The following SLC24A2 variants were observed in gnomAD, a reference collection of about 807,000 sequenced individuals.
The protein encoded by SLC24A2 is solute carrier family 24 member 2, also known as sodium/potassium/calcium exchanger 2.
In SLC24A2, 36 loss-of-function variants were observed where a neutral mutation model predicts 62.0. The ratio of observed to expected loss-of-function variants is 0.58; its 90% CI spans 0.44 to 0.77. SLC24A2 has a LOEUF of 0.77. Ranked by LOEUF, SLC24A2 falls within the 30% of genes least tolerant of loss-of-function variation. The pLI is 0.00. For synonymous variants in SLC24A2, 358 were observed against 294.0 expected (o/e 1.22, Z -2.23); for missense variants, 846 against 817.9 (o/e 1.03, Z -0.42).
the SLC24A2 span, among the ~76,000 whole-genome samples, chr9:20,004,138 C>A: frequency 6.6e-6 from 1 of 152,200 alleles, no homozygotes; most frequent in Admixed American, 6.5e-5. Flanking sequence ...CAGACCCCTT[C>A]TAATGAGTAC....
At chr9:20,142,065 A>G in the SLC24A2 span, among the ~76,000 whole-genome samples, 3 of 152,210 alleles carry the variant, frequency 2.0e-5, no homozygotes, top group African/African-American at 7.2e-5. Flanking sequence ...CCTGGATGAC[A>G]GAATGAGACT....
the SLC24A2 span, among the ~76,000 whole-genome samples, chr9:20,090,766 G>C: frequency 6.6e-6 from 1 of 152,114 alleles, no homozygotes; most frequent in Non-Finnish European, 1.5e-5. Flanking sequence ...AAGAACTAAT[G>C]CAAGAACTCC....
chr9:20,124,586 C>T, the SLC24A2 span, among the ~76,000 whole-genome samples: 1 of 152,130 alleles, frequency 6.6e-6, no homozygotes, highest in South Asian at 2.1e-4. Context: ...TCCTTTGTTA[C>T]GTACCTAGTG....
At chr9:19,569,025 T>C (rs1835760127) in intron 7 of SLC24A2, among the ~76,000 whole-genome samples, 1 of 152,108 alleles carries the variant, frequency 6.6e-6, no homozygotes, top group Non-Finnish European at 1.5e-5. Flanking sequence ...GTATTGGAGG[T>C]CATTCCATAG....
At chr9:19,885,272 C>T in the SLC24A2 span, among the ~76,000 whole-genome samples, 2 of 152,080 alleles carry the variant, frequency 1.3e-5, no homozygotes, top group Non-Finnish European at 2.9e-5. Flanking sequence ...GAGGCACTTC[C>T]ATTATAGTAA....
intron 2 of SLC24A2, among the ~76,000 whole-genome samples, chr9:19,636,326 T>TTCTTTTC (rs1491476004): frequency 0.01 from 269 of 26,840 alleles, 13 homozygotes; most frequent in Middle Eastern, 0.031. Context: ...TTTCTTTCTT[T>TTCTTTTC]CTTTCTTTCT....
chr9:20,304,781 G>C, the SLC24A2 span, among the ~76,000 whole-genome samples: 1 of 152,196 alleles, frequency 6.6e-6, no homozygotes, highest in Non-Finnish European at 1.5e-5. Context: ...AACCAAGCTA[G>C]AGAGAGAAGA....
chr9:20,232,361 G>T, the SLC24A2 span, among the ~76,000 whole-genome samples: 2 of 152,228 alleles, frequency 1.3e-5, no homozygotes, highest in Non-Finnish European at 1.5e-5. Flanking sequence ...AATCCATCTG[G>T]TCCTGGAGTT....
At chr9:19,556,520 G>T (rs1835094041) in intron 7 of SLC24A2, among the ~76,000 whole-genome samples, 1 of 152,134 alleles carries the variant, frequency 6.6e-6, no homozygotes, top group East Asian at 1.9e-4. Context: ...CAGTTTTATT[G>T]ACTGGTAATA....
At chr9:19,829,771 G>T in the SLC24A2 span, among the ~76,000 whole-genome samples, 1 of 19,776 alleles carries the variant, frequency 5.1e-5, no homozygotes. Context: ...ATATATGTGT[G>T]TGTGTGTGTG....
chr9:19,544,482 C>T (rs912660278), intron 8 of SLC24A2, among the ~76,000 whole-genome samples: 27 of 152,002 alleles, frequency 1.8e-4, no homozygotes, highest in Admixed American at 6.5e-4. Context: ...ATGATGCTAA[C>T]TGGTTATTTT....
At chr9:19,583,760 C>T (rs1248080373) in intron 5 of SLC24A2, among the ~76,000 whole-genome samples, 1 of 152,110 alleles carries the variant, frequency 6.6e-6, no homozygotes, top group African/African-American at 2.4e-5. Context: ...TGGTGGAAGG[C>T]AGGGGAGACA....
intron 2 of SLC24A2, among the ~76,000 whole-genome samples, chr9:19,737,541 G>A (rs949403609): frequency 3.3e-5 from 5 of 151,448 alleles, no homozygotes; most frequent in African/African-American, 4.8e-5. Context: ...CCATATAATC[G>A]GTACACTACT....
At chr9:20,099,552 T>G in the SLC24A2 span, among the ~76,000 whole-genome samples, 1 of 152,044 alleles carries the variant, frequency 6.6e-6, no homozygotes, top group African/African-American at 2.4e-5. Flanking sequence ...AAAAAGTAGG[T>G]TCCAGGAGGA....
At chr9:19,749,748 C>T (rs10964267) in intron 2 of SLC24A2, among the ~76,000 whole-genome samples, 6 of 151,920 alleles carry the variant, frequency 3.9e-5, no homozygotes, top group Non-Finnish European at 8.8e-5. Flanking sequence ...CGAAACTTAC[C>T]TAGCATCTCA....
At chr9:19,886,498 A>G in the SLC24A2 span, among the ~76,000 whole-genome samples, 1 of 152,246 alleles carries the variant, frequency 6.6e-6, no homozygotes, top group Admixed American at 6.5e-5. Context: ...AATCAAAACC[A>G]CAACGAGATA....
At chr9:19,809,862 G>A in the SLC24A2 span, among the ~76,000 whole-genome samples, 93 of 152,044 alleles carry the variant, frequency 6.1e-4, 1 homozygote, top group South Asian at 1.7e-3. Flanking sequence ...TCTCTCTATA[G>A]AGAGAGCTGT....
intron 2 of SLC24A2, among the ~76,000 whole-genome samples, chr9:19,720,583 A>G (rs142442751): frequency 4.6e-5 from 7 of 152,204 alleles, no homozygotes; most frequent in African/African-American, 1.4e-4. Context: ...AGAAAGCTGT[A>G]GCTGTCCATG....
chr9:20,220,432 C>T, the SLC24A2 span, among the ~76,000 whole-genome samples: 1 of 152,124 alleles, frequency 6.6e-6, no homozygotes, highest in Admixed American at 6.5e-5. Context: ...AATCAGAGCT[C>T]CATATGGGTA....
Sources: gnomAD v4.1 joint callset for allele counts (sites outside exome capture counted in the v4.1 genomes callset) on GRCh38, gnomAD v4.1.1 for gene constraint, MANE v1.5 for transcripts, NCBI Gene and HGNC (gene_info 2026-07-23, HGNC 2026-07-21) for gene names.